GRIA1: variants seen among roughly 807,000 people sequenced by gnomAD.
The protein encoded by GRIA1 is glutamate receptor 1.
A neutral mutation model predicts 99.2 loss-of-function variants in GRIA1; 31 were observed. The ratio of observed to expected loss-of-function variants is 0.31; its 90% confidence interval spans 0.23 to 0.42. The LOEUF (loss-of-function observed/expected upper bound fraction) is 0.42. Among genes scored for constraint, GRIA1 ranks in the 10% least tolerant of loss-of-function variants. GRIA1 has a pLI of 1.00. For missense variants in GRIA1, 782 were observed against 1,157.5 expected (o/e 0.68, Z 4.71); for synonymous variants, 438 against 432.4 (o/e 1.01, Z -0.16).
chr5:153,627,138 A>T (rs1384510600), intron 2 of GRIA1, among the ~76,000 whole-genome samples: 1 of 152,230 alleles, frequency 6.6e-6, no homozygotes, highest in Non-Finnish European at 1.5e-5. Flanking sequence ...CTTAGTGGCC[A>T]GATAATGTTA....
intron 11 of GRIA1, among the ~76,000 whole-genome samples, chr5:153,746,257 T>C (rs1004878162): frequency 1.3e-5 from 2 of 152,112 alleles, no homozygotes; most frequent in African/African-American, 4.8e-5. Context: ...GCTGTTCTGC[T>C]AGCTCAGTTG....
chr5:153,527,779 A>G (rs965709013), intron 2 of GRIA1, among the ~76,000 whole-genome samples: 1 of 152,230 alleles, frequency 6.6e-6, no homozygotes, highest in African/African-American at 2.4e-5. Context: ...TTCCTTAATA[A>G]ATGTAGAGAT....
At chr5:153,703,797 C>CATT in intron 10 of GRIA1, among the ~76,000 whole-genome samples, 1 of 152,154 alleles carries the variant, frequency 6.6e-6, no homozygotes, top group East Asian at 1.9e-4. Context: ...TATTAAATCA[C>CATT]ATTAGGAAGC....
intron 2 of GRIA1, among the ~76,000 whole-genome samples, chr5:153,545,206 A>G (rs1759493716): frequency 6.6e-6 from 1 of 152,206 alleles, no homozygotes; most frequent in South Asian, 2.1e-4. Context: ...TCAAGGGTCC[A>G]GGCTCATCGG....
chr5:153,516,632 A>G (rs975008154), intron 2 of GRIA1, among the ~76,000 whole-genome samples: 4 of 151,978 alleles, frequency 2.6e-5, no homozygotes. Context: ...GGTCTCTTTA[A>G]CCTCTGGAAT....
chr5:153,571,985 G>A (rs529565131), intron 2 of GRIA1, among the ~76,000 whole-genome samples: 2 of 152,242 alleles, frequency 1.3e-5, no homozygotes, highest in African/African-American at 4.8e-5. Context: ...AGTCATATAA[G>A]AGCCTTTTAG....
intron 8 of GRIA1, among the ~76,000 whole-genome samples, chr5:153,687,083 C>T (rs1273094660): frequency 6.6e-6 from 1 of 152,200 alleles, no homozygotes; most frequent in African/African-American, 2.4e-5. Context: ...CAGCCTTCCA[C>T]ACTCAAAGTA....
At chr5:153,727,960 T>C (rs1395424650) in intron 11 of GRIA1, among the ~76,000 whole-genome samples, 1 of 151,636 alleles carries the variant, frequency 6.6e-6, no homozygotes, top group Non-Finnish European at 1.5e-5. Context: ...GCTGGAGGCA[T>C]CACGCTACCT....
chr5:153,569,662 G>C (rs1321378283), intron 2 of GRIA1, among the ~76,000 whole-genome samples: 1 of 152,238 alleles, frequency 6.6e-6, no homozygotes, highest in Non-Finnish European at 1.5e-5. Context: ...TTGTTGGCAA[G>C]AGCATCTGCT....
chr5:153,706,241 A>G, intron 11 of GRIA1, 174 bp downstream of exon 11: 1 of 661,394 alleles, frequency 1.5e-6, no homozygotes, highest in Non-Finnish European at 2.6e-6. Flanking sequence ...GATTATCTGG[A>G]TCATCCTGTA....
intron 12 of GRIA1, among the ~76,000 whole-genome samples, chr5:153,769,767 C>A (rs1456669013): frequency 6.6e-6 from 1 of 151,894 alleles, no homozygotes; most frequent in Non-Finnish European, 1.5e-5. Context: ...GTGCTTTCTT[C>A]CAATAATGAA....
chr5:153,669,685 C>T (rs1425713710), intron 5 of GRIA1, among the ~76,000 whole-genome samples: 1 of 152,050 alleles, frequency 6.6e-6, no homozygotes, highest in African/African-American at 2.4e-5. Flanking sequence ...AAGATAAATG[C>T]CCATTCTTTC....
intron 2 of GRIA1, among the ~76,000 whole-genome samples, chr5:153,609,511 C>T (rs1765773110): frequency 6.6e-6 from 1 of 150,668 alleles, no homozygotes; most frequent in Non-Finnish European, 1.5e-5. Flanking sequence ...CCTTCTCATT[C>T]ACCTTAGCCC....
intron 2 of GRIA1, among the ~76,000 whole-genome samples, chr5:153,503,110 G>C (rs1755164225): frequency 6.6e-6 from 1 of 151,924 alleles, no homozygotes; most frequent in South Asian, 2.1e-4. Context: ...TCCTTTTATG[G>C]GATATCTAGT....
At chr5:153,541,746 A>G (rs1218492262) in intron 2 of GRIA1, among the ~76,000 whole-genome samples, 1 of 152,036 alleles carries the variant, frequency 6.6e-6, no homozygotes, top group African/African-American at 2.4e-5. Context: ...CCTGGCCAAC[A>G]TAGTGAAACC....
intron 11 of GRIA1, among the ~76,000 whole-genome samples, chr5:153,751,222 C>T (rs1762491389): frequency 6.6e-6 from 1 of 152,228 alleles, no homozygotes; most frequent in Non-Finnish European, 1.5e-5. Context: ...ATTCTCTTGA[C>T]AAACAATGAC....
chr5:153,623,172 C>A (rs552276133), intron 2 of GRIA1, among the ~76,000 whole-genome samples: 6 of 152,244 alleles, frequency 3.9e-5, no homozygotes, highest in Admixed American at 6.5e-5. Context: ...TTAATAATGG[C>A]TTCCAAGAAT....
In GRIA1 at chr5:153,742,877, T is replaced by G. The variant is rs190148667; in HGVS notation, c.1824-21557T>G. On this transcript the variant is annotated intron_variant, in intron 11 of 15. Coordinates refer to ENST00000285900, the MANE Select transcript of GRIA1 (RefSeq NM_000827.4). ...TCTTCCTATTTTAAGATCCCTAACC[T>G]TAATTCTGTCTGAATGGTCTCTTTG... 2.5e-3 allele frequency among the ~76,000 whole-genome samples: 374 copies of G among 152,368 alleles called. 8 individuals carry two copies. In the South Asian group the frequency reaches 0.056, roughly 23 times the overall value.
At chr5:153,658,997 C>CAAAA (rs3037013) in intron 5 of GRIA1, among the ~76,000 whole-genome samples, 61 of 141,518 alleles carry the variant, frequency 4.3e-4, no homozygotes, top group African/African-American at 1.4e-3. Flanking sequence ...AACAAACAAA[C>CAAAA]AAAAAAAAAA....
Sources: gnomAD v4.1 joint callset for allele counts (sites outside exome capture counted in the v4.1 genomes callset) on GRCh38, gnomAD v4.1.1 for gene constraint, MANE v1.5 for transcripts, NCBI Gene and HGNC (gene_info 2026-07-23, HGNC 2026-07-21) for gene names.